The following LYST variants were observed in gnomAD, a reference collection of about 807,000 sequenced individuals.
LYST encodes the protein lysosomal trafficking regulator.
In LYST, 192 loss-of-function variants were observed where a neutral mutation model predicts 413.6. The ratio of observed to expected loss-of-function variants is 0.46; its 90% confidence interval spans 0.41 to 0.52. The LOEUF is 0.52. Ranked by LOEUF, LYST falls within the 20% of genes least tolerant of loss-of-function variation. The pLI is 0.00. For missense variants in LYST, 3,815 were observed against 4,499.9 expected (o/e 0.85, Z 4.35); for synonymous variants, 1,525 against 1,567.3 (o/e 0.97, Z 0.64).
upstream of LYST, among the ~76,000 whole-genome samples, chr1:235,871,470 C>A (rs1680921642): frequency 6.6e-6 from 1 of 152,158 alleles, no homozygotes; most frequent in Non-Finnish European, 1.5e-5. Flanking sequence ...TGTCCTAGTA[C>A]TTTAAGAACA....
chr1:235,691,579 A>C (rs1660654390), intron 47 of LYST, among the ~76,000 whole-genome samples: 1 of 152,164 alleles, frequency 6.6e-6, no homozygotes, highest in Admixed American at 6.5e-5. Context: ...CCCTTCACTG[A>C]TGTTGAGCAG....
chr1:235,809,106 A>G lies in LYST; in HGVS notation c.1712T>C (p.Val571Ala). ...LQQASLSSTC[V>A]QILSGVHNIG... ...GTTATGAACACCCGATAGGATCTGG[A>G]CACAAGTGCTGCTCAAGGAAGCCTG... is the stretch of plus-strand genomic sequence containing the variant. Residue 571 changes from valine (V) to alanine (A), a missense_variant, in exon 5 of 53, where the codon GTC (valine) becomes GCC (alanine). Physicochemically the swap from Val to Ala is moderately conservative, Grantham distance 64. Transcript: ENST00000389793. The surrounding 1 kb of genome is among the most constrained non-coding windows in gnomAD (Gnocchi z 4.0). 6.2e-7 allele frequency: 1 copy of G among 1,614,140 alleles called. No homozygotes were observed. The highest frequency in any genetic ancestry group is 8.5e-7 in the Non-Finnish European group (1 of 1,179,996).
At chr1:235,879,791 C>T (rs1004042639) in intron 1 of LYST, among the ~76,000 whole-genome samples, 1 of 151,322 alleles carries the variant, frequency 6.6e-6, no homozygotes, top group Admixed American at 6.6e-5. Flanking sequence ...GGCTGGAGTG[C>T]AGTGGCACAA....
rs976435856 is a variant in LYST, at chr1:235,661,189, TCCC to T, written c.*1748_*1750del. On this transcript the variant is annotated 3_prime_UTR_variant, in exon 53 of 53. Transcript: ENST00000389793. Reference sequence around the variant, plus strand: ...ATTAGGTTTCATGCTGAATAAATAATCCCCCCAAATTAATTTTTATTTTTACAT... The same window carrying T: ...ATTAGGTTTCATGCTGAATAAATAATCCCAAATTAATTTTTATTTTTACAT... 4.6e-5 allele frequency: 7 copies of T among 152,490 alleles called. No homozygotes were observed. Among genetic ancestry groups the T allele is most frequent in the African/African-American group, 1.7e-4 (7 of 41,386 alleles). The allele number at this position is 152,490 out of a possible 1,614,324, so 9.4% of individuals were successfully genotyped here. A position where few individuals can be genotyped will look rare whatever the true frequency, so the allele number is the denominator to read the frequency against.
intron 1 of LYST, among the ~76,000 whole-genome samples, chr1:235,841,011 G>A (rs138628105): frequency 2.6e-5 from 4 of 152,322 alleles, no homozygotes; most frequent in Admixed American, 6.5e-5. Context: ...ACTGAGGCAC[G>A]TGTGCAGAGT....
chr1:235,809,109 C>G lies in LYST; in HGVS notation c.1709G>C (p.Cys570Ser). The change falls in exon 5 of 53, where the codon TGT (cysteine) becomes TCT (serine). Residue 570 changes from cysteine to serine, a missense_variant. Physicochemically the swap from Cys to Ser is moderately radical, Grantham distance 112. Coordinates refer to ENST00000389793, the MANE Select transcript of LYST (RefSeq NM_000081.4). This position sits in a 1 kb window ranked among gnomAD's most constrained non-coding sequence, Gnocchi z 4.0. Reference protein sequence around the residue: ...LLQQASLSSTCVQILSGVHNI... With the variant: ...LLQQASLSSTSVQILSGVHNI... ...ATGAACACCCGATAGGATCTGGACA[C>G]AAGTGCTGCTCAAGGAAGCCTGCTG... 7 of 1,614,140 alleles carry G rather than the reference C, an allele frequency of 4.3e-6. No homozygotes were observed. Among genetic ancestry groups the G allele is most frequent in the Non-Finnish European group, 5.9e-6 (7 of 1,180,004 alleles).
At chr1:235,862,753 C>T (rs1020907244) in intron 1 of LYST, among the ~76,000 whole-genome samples, 1 of 151,154 alleles carries the variant, frequency 6.6e-6, no homozygotes, top group Admixed American at 6.6e-5. Flanking sequence ...CTGAGATCAC[C>T]CCACTGCACT....
At chr1:235,682,688 A>G (rs891297220) in intron 48 of LYST, among the ~76,000 whole-genome samples, 1 of 152,220 alleles carries the variant, frequency 6.6e-6, no homozygotes, top group Non-Finnish European at 1.5e-5. Context: ...TCAAAAACCA[A>G]TACATCAGAA....
At position 235,691,956 on chromosome 1, in the gene LYST, C is replaced by T. The variant is rs981517534; in HGVS notation, c.10701+1394G>A. On this transcript the variant is annotated intron_variant, in intron 47 of 52. Coordinates refer to ENST00000389793, the MANE Select transcript of LYST (RefSeq NM_000081.4). ...CAGGTGATCCCCGCACCTTGGCCTC[C>T]CAAAGTGCTAGGATTACAGGCGTGA... Among the ~76,000 whole-genome samples, 3 of 151,342 alleles carry T rather than the reference C, an allele frequency of 2.0e-5. No homozygotes were observed. In the South Asian group the frequency reaches 6.3e-4, roughly 32 times the overall value.
In LYST at chr1:235,810,482, T is replaced by A; in HGVS notation, c.336A>T (p.Ser112=). The change falls in exon 5 of 53, where the codon TCA becomes TCT. Residue 112 remains serine, a synonymous_variant. Coordinates refer to ENST00000389793, the MANE Select transcript of LYST (RefSeq NM_000081.4). ...TTTCCTGAGTGGATCTTTGTGAACT[T>A]GAGTTCTTTTCTTTGGTCAGGATTA... is the stretch of plus-strand genomic sequence containing the variant. ...ADIILTKEKN[S]SSQRSTQEKL... 1 of 1,611,586 alleles carries A rather than the reference T, an allele frequency of 6.2e-7. No individual in the cohort carries two copies.
intron 45 of LYST, among the ~76,000 whole-genome samples, chr1:235,701,500 C>T (rs539915325): frequency 5.3e-5 from 8 of 151,988 alleles, no homozygotes; most frequent in East Asian, 3.9e-4. Context: ...TGGTGGCGGG[C>T]GCCTGTAATC....
chr1:235,749,645 G>C (rs1666280367), intron 28 of LYST, among the ~76,000 whole-genome samples: 1 of 152,102 alleles, frequency 6.6e-6, no homozygotes, highest in African/African-American at 2.4e-5. Flanking sequence ...GTCTCCTATA[G>C]CTTGCAGCAA....
intron 38 of LYST, among the ~76,000 whole-genome samples, chr1:235,725,327 G>A (rs530732260): frequency 5.2e-4 from 79 of 152,136 alleles, no homozygotes; most frequent in Non-Finnish European, 9.0e-4. Context: ...CCAGCTACTC[G>A]GGAGGCTGAG....
intron 47 of LYST, among the ~76,000 whole-genome samples, chr1:235,691,472 G>A (rs1572006067): frequency 6.6e-6 from 1 of 152,262 alleles, no homozygotes; most frequent in Admixed American, 6.5e-5. Flanking sequence ...GAAAAATCAG[G>A]TATAAAAGAT....
chr1:235,855,681 C>T (rs1346101731), intron 1 of LYST, among the ~76,000 whole-genome samples: 1 of 151,822 alleles, frequency 6.6e-6, no homozygotes, highest in Admixed American at 6.6e-5. Flanking sequence ...AAACTTTTTT[C>T]ATATATATTT....
chr1:235,821,737 A>G (rs1456775132), intron 3 of LYST, among the ~76,000 whole-genome samples: 2 of 152,212 alleles, frequency 1.3e-5, no homozygotes, highest in Non-Finnish European at 2.9e-5. Flanking sequence ...AAATGCAAAA[A>G]CTATTCTTAG....
chr1:235,706,895 C>T (rs1000665718), intron 44 of LYST, among the ~76,000 whole-genome samples: 5 of 152,004 alleles, frequency 3.3e-5, no homozygotes, highest in African/African-American at 1.2e-4. Flanking sequence ...TATTTTAAAG[C>T]TACTTTTGGG....
rs140798642 is a variant in LYST at position 235,696,162 on chromosome 1, T to C, written c.10564+921A>G. 4.1e-3 allele frequency among the ~76,000 whole-genome samples: 622 copies of C among 152,286 alleles called. 4 individuals carry two copies. The highest frequency in any genetic ancestry group is 0.014 in the African/African-American group (592 of 41,556). On this transcript the variant is annotated intron_variant, in intron 46 of 52. Transcript: ENST00000389793. ...CTTATTTCTAACAACTATAAAACAA[T>C]CATTCATTTCATGACAGAAATAAGA...
chr1:235,837,911 C>T (rs1002795910), intron 1 of LYST, among the ~76,000 whole-genome samples: 1 of 151,506 alleles, frequency 6.6e-6, no homozygotes, highest in Non-Finnish European at 1.5e-5. Context: ...TAAGCTGAAA[C>T]ATAGTATGTT....
Sources: gnomAD v4.1 joint callset for allele counts (sites outside exome capture counted in the v4.1 genomes callset) on GRCh38, gnomAD v4.1.1 for gene constraint, Gnocchi (gnomAD v3.1) non-coding constraint, MANE v1.5 for transcripts, NCBI Gene and HGNC (gene_info 2026-07-23, HGNC 2026-07-21) for gene names.